The following SS18 variants were observed in gnomAD, a reference collection of about 807,000 sequenced individuals.
SS18 encodes the protein SS18 subunit of BAF chromatin remodeling complex.
Under a neutral mutation model 72.5 loss-of-function variants are expected in SS18, and 28 were observed. The observed-to-expected ratio is 0.39, with a 90% CI of 0.29 to 0.53. The LOEUF (loss-of-function observed/expected upper bound fraction) is 0.53. SS18 is among the 20% of genes least tolerant of loss of function. The pLI is 0.76. For missense variants in SS18, 518 were observed against 535.3 expected (o/e 0.97, Z 0.32); for synonymous variants, 172 against 164.2 (o/e 1.05, Z -0.37).
Position 26,052,742 on chromosome 18 carries a change from G to A in SS18, c.489C>T (p.Tyr163=). ...PSSSHGSMGG[Y]NHSVPSSQSM... ...TCTGTGATGATGGCACAGAATGGTT[G>A]TAACCTCCCATGGATCCATGGCTAC... The change falls in exon 5 of 11, where the codon TAC becomes TAT. Residue 163 remains tyrosine (Y), a synonymous_variant. Transcript: ENST00000415083. 1.2e-6 allele frequency: 2 copies of A among 1,614,144 alleles called. No homozygotes were observed. The highest frequency in any genetic ancestry group is 1.7e-6 in the Non-Finnish European group (2 of 1,179,984).
intron 10 of SS18, among the ~76,000 whole-genome samples, chr18:26,019,747 G>A (rs577496518): frequency 5.5e-5 from 8 of 145,730 alleles, no homozygotes; most frequent in Non-Finnish European, 1.0e-4. Flanking sequence ...GAAGGCGGAG[G>A]TTGCACTGCA....
Position 26,072,670 on chromosome 18 carries a change from G to A in SS18, c.231+5406C>T, listed in dbSNP as rs553749565. 1.5e-4 allele frequency among the ~76,000 whole-genome samples: 23 copies of A among 151,294 alleles called. 1 individual carries two copies. The highest frequency in any genetic ancestry group is 5.3e-4 in the African/African-American group (22 of 41,326). On this transcript the variant is annotated intron_variant, in intron 3 of 10. Transcript: ENST00000415083. ...AAATTAGCCAGGCGTAGTGGCGGGCGCCTGTAGTCCCAGCTACTAGGGAGG... is the reference window on the plus strand; with the variant it reads ...AAATTAGCCAGGCGTAGTGGCGGGCACCTGTAGTCCCAGCTACTAGGGAGG...
At chr18:26,066,111 T>C (rs376473960) in intron 3 of SS18, among the ~76,000 whole-genome samples, 2 of 152,022 alleles carry the variant, frequency 1.3e-5, no homozygotes, top group East Asian at 3.9e-4. Context: ...TTCATAACAC[T>C]TACTACGGCT....
chr18:26,074,618 TTTA>T (rs746318361), intron 3 of SS18, among the ~76,000 whole-genome samples: 32 of 152,036 alleles, frequency 2.1e-4, no homozygotes, highest in Non-Finnish European at 3.1e-4. Context: ...ATGCAATAAG[TTTA>T]TTATTTTTAA....
At chr18:26,051,295 T>C (rs2053919108) in intron 5 of SS18, among the ~76,000 whole-genome samples, 1 of 152,208 alleles carries the variant, frequency 6.6e-6, no homozygotes, top group African/African-American at 2.4e-5. Flanking sequence ...ACTTACAAAA[T>C]ACGACATTTT....
Position 26,019,774 on chromosome 18 carries a change from A to G in SS18, c.1231-1394T>C, listed in dbSNP as rs143508360. The stretch of plus-strand genomic sequence containing the variant: ...TGCACTGCACTCTAGCTTGAGCAAC[A>G]GAGCAACTCTGTCTCAAAAAAAAAA... On this transcript the variant is annotated intron_variant, in intron 10 of 10. Coordinates refer to ENST00000415083, the MANE Select transcript of SS18 (RefSeq NM_001007559.3). Among the ~76,000 whole-genome samples, 51 of 141,916 alleles carry G rather than the reference A, an allele frequency of 3.6e-4. No individual in the cohort carries two copies. The East Asian group carries it at 0.01, about 29-fold the overall frequency. The allele number at this position is 141,916 out of a possible 152,430, so 93.1% of individuals were successfully genotyped here. A position where few individuals can be genotyped will look rare whatever the true frequency, so the allele number is the denominator to read the frequency against.
chr18:26,052,518 T>C (rs2053939227), intron 5 of SS18, 106 bp downstream of exon 5: 4 of 895,708 alleles, frequency 4.5e-6, no homozygotes, highest in Non-Finnish European at 5.3e-6. Context: ...TGTCACTCAC[T>C]TTAAACTTTT....
At chr18:26,037,842 G>C (rs185233747) in intron 7 of SS18, among the ~76,000 whole-genome samples, 4 of 152,116 alleles carry the variant, frequency 2.6e-5, no homozygotes, top group African/African-American at 4.8e-5. Flanking sequence ...TGATGAAACT[G>C]TACTGTGAAA....
intron 3 of SS18, among the ~76,000 whole-genome samples, chr18:26,059,842 A>T (rs2054088540): frequency 6.6e-6 from 1 of 152,234 alleles, no homozygotes; most frequent in African/African-American, 2.4e-5. Flanking sequence ...ACAAAAATAA[A>T]TGACCAACAC....
intron 3 of SS18, among the ~76,000 whole-genome samples, chr18:26,067,752 A>G (rs1367415616): frequency 1.3e-5 from 2 of 152,210 alleles, no homozygotes; most frequent in East Asian, 3.8e-4. Flanking sequence ...TGGAAGCTAA[A>G]GAATAAGTTT....
intron 10 of SS18, among the ~76,000 whole-genome samples, chr18:26,019,562 G>C (rs1381011017): frequency 6.6e-6 from 1 of 152,078 alleles, no homozygotes; most frequent in South Asian, 2.1e-4. Context: ...TGTAATCCCA[G>C]CACTTTGGGA....
intron 7 of SS18, among the ~76,000 whole-genome samples, chr18:26,037,942 AAAAAAAC>A (rs1329627937): frequency 6.6e-6 from 1 of 152,016 alleles, no homozygotes; most frequent in East Asian, 1.9e-4. Flanking sequence ...CACTTTCTAC[AAAAAAAC>A]AAAAAACAAA....
At position 26,058,690 on chromosome 18, in the gene SS18, A is replaced by G. The variant is rs527259689; in HGVS notation, c.232-948T>C. Among the ~76,000 whole-genome samples the G allele has an allele frequency of 5.2e-4, 79 of 152,326 alleles. 2 individuals carry two copies. The Middle Eastern group carries it at 0.01, about 20-fold the overall frequency. On this transcript the variant is annotated intron_variant, in intron 3 of 10. Transcript: ENST00000415083. The stretch of plus-strand genomic sequence containing the variant: ...ATTTGGCCATCACATTTAAATACTC[A>G]AACCTCCAAACAGTTAATAATCACT...
chr18:26,031,490 A>G (rs1367832387), intron 10 of SS18, among the ~76,000 whole-genome samples: 8 of 152,242 alleles, frequency 5.3e-5, no homozygotes, highest in Non-Finnish European at 1.2e-4. Flanking sequence ...GTGGTGAACA[A>G]ACCAGACCAC....
At position 26,077,658 on chromosome 18, in the gene SS18, A is replaced by T. The variant is rs142354989; in HGVS notation, c.231+418T>A. On this transcript the variant is annotated intron_variant, in intron 3 of 10. Coordinates refer to ENST00000415083, the MANE Select transcript of SS18 (RefSeq NM_001007559.3). The stretch of plus-strand genomic sequence containing the variant: ...TTTAGATAACGGATAAAAATTGAAA[A>T]TAAATTGAATATTGTAAGACAGAAA... Among the ~76,000 whole-genome samples the T allele has an allele frequency of 9.6e-3, 1,463 of 152,300 alleles. 15 individuals carry two copies. Among genetic ancestry groups the T allele is most frequent in the South Asian group, 0.027 (131 of 4,826 alleles).
chr18:26,025,768 A>G (rs1043436282), intron 10 of SS18, among the ~76,000 whole-genome samples: 10 of 152,272 alleles, frequency 6.6e-5, no homozygotes, highest in African/African-American at 2.2e-4. Context: ...TTTAGAAAGA[A>G]TAATGCCAAT....
chr18:26,057,822 T>C (rs1034377508), intron 3 of SS18, 80 bp from the exon 4 acceptor site: 5 of 1,351,382 alleles, frequency 3.7e-6, no homozygotes, highest in Non-Finnish European at 4.9e-6. Context: ...TTGCTTATGT[T>C]ACTAAATTGC....
chr18:26,088,178 A>G (rs921612043), intron 1 of SS18, among the ~76,000 whole-genome samples: 156 of 152,326 alleles, frequency 1.0e-3, no homozygotes, highest in African/African-American at 3.6e-3. Context: ...GAAAATCTGA[A>G]TTCTTTTATA....
chr18:26,027,974 A>G (rs1272667005), intron 10 of SS18, among the ~76,000 whole-genome samples: 1 of 152,082 alleles, frequency 6.6e-6, no homozygotes, highest in Admixed American at 6.5e-5. Flanking sequence ...ATCAAAATTT[A>G]GACTCTCCTG....
Sources: gnomAD v4.1 joint callset for allele counts (sites outside exome capture counted in the v4.1 genomes callset) on GRCh38, gnomAD v4.1.1 for gene constraint, MANE v1.5 for transcripts, NCBI Gene and HGNC (gene_info 2026-07-23, HGNC 2026-07-21) for gene names.